KDM3A: variants seen among roughly 807,000 people sequenced by gnomAD.
KDM3A encodes the protein lysine demethylase 3A.
In KDM3A, 60 loss-of-function variants were observed where a neutral mutation model predicts 158.0. That is an observed-to-expected ratio of 0.38 (90% CI 0.31 to 0.47). KDM3A has a LOEUF of 0.47. Among genes scored for constraint, KDM3A ranks in the 20% least tolerant of loss-of-function variants. The pLI is 0.99. For missense variants in KDM3A, 1,319 were observed against 1,574.3 expected (o/e 0.84, Z 2.74); for synonymous variants, 608 against 549.3 (o/e 1.11, Z -1.49).
chr2:86,444,636 G>A (rs1573135986), intron 2 of KDM3A, among the ~76,000 whole-genome samples: 1 of 144,342 alleles, frequency 6.9e-6, no homozygotes, highest in Non-Finnish European at 1.5e-5. Context: ...GGGTTTAGGG[G>A]CATTAAGTTT....
At chr2:86,477,077 C>T (rs1371347326) in intron 12 of KDM3A, among the ~76,000 whole-genome samples, 1 of 152,208 alleles carries the variant, frequency 6.6e-6, no homozygotes, top group Non-Finnish European at 1.5e-5. Context: ...TTTGGCACTC[C>T]TCCATCTAGG....
chr2:86,472,615 T>C (rs962885304), intron 11 of KDM3A, among the ~76,000 whole-genome samples: 8 of 152,334 alleles, frequency 5.3e-5, no homozygotes, highest in African/African-American at 1.9e-4. Context: ...ATAATTTGCG[T>C]GTGTTAGGTA....
intron 9 of KDM3A, among the ~76,000 whole-genome samples, chr2:86,464,896 G>A (rs991300688): frequency 1.6e-4 from 24 of 152,176 alleles, no homozygotes; most frequent in African/African-American, 5.8e-4. Context: ...TTGGAAGGTG[G>A]GAGAGTGGCT....
Position 86,442,201 on chromosome 2 carries a change from T to G in KDM3A, c.154T>G (p.Ser52Ala). The G allele has an allele frequency of 6.2e-7, 1 of 1,612,028 alleles. No homozygotes were observed. Among genetic ancestry groups the G allele is most frequent in the South Asian group, 1.1e-5 (1 of 90,934 alleles). Residue 52 changes from serine to alanine, a missense_variant, in exon 2 of 26, where the codon TCC (serine) becomes GCC (alanine). Around this residue, in one of 4 missense-constraint regions of KDM3A, gnomAD observed 652 missense variants for 627.2 expected, o/e 1.04. Transcript: ENST00000312912. The stretch of plus-strand genomic sequence containing the variant: ...GCTCTCCGGGACCATTCGAGCTGTT[T>G]CCCACACCGACGTTACCAAGAAGGA... ...PWLSGTIRAV[S>A]HTDVTKKDLK...
chr2:86,481,820 T>G, intron 16 of KDM3A, 110 bp from the exon 17 acceptor site: 1 of 757,148 alleles, frequency 1.3e-6, no homozygotes, highest in South Asian at 1.8e-5. Context: ...GTATTTTTTT[T>G]GTTTCAGTAA....
intron 11 of KDM3A, among the ~76,000 whole-genome samples, chr2:86,472,122 A>AT (rs1454942449): frequency 4.0e-5 from 6 of 149,002 alleles, no homozygotes; most frequent in Admixed American, 6.7e-5. Flanking sequence ...GGAAGGGATA[A>AT]TTTTTTTTTC....
At chr2:86,458,919 T>C (rs1180187789) in intron 8 of KDM3A, among the ~76,000 whole-genome samples, 2 of 152,032 alleles carry the variant, frequency 1.3e-5, no homozygotes, top group Non-Finnish European at 2.9e-5. Flanking sequence ...ATGAGGTTAG[T>C]TGTATTGCAC....
intron 16 of KDM3A, among the ~76,000 whole-genome samples, chr2:86,481,702 A>G (rs1673936878): frequency 6.6e-6 from 1 of 152,180 alleles, no homozygotes; most frequent in Admixed American, 6.5e-5. Flanking sequence ...CAGGGTTGCT[A>G]GATACAAAGG....
At chr2:86,480,064 G>A in intron 15 of KDM3A, 103 bp from the exon 16 acceptor site, 2 of 899,736 alleles carry the variant, frequency 2.2e-6, no homozygotes, top group South Asian at 1.4e-5. Flanking sequence ...GTTTTGTTCT[G>A]GATATTTATC....
chr2:86,463,213 C>T (rs148619852), intron 8 of KDM3A, among the ~76,000 whole-genome samples: 2 of 152,062 alleles, frequency 1.3e-5, no homozygotes, highest in African/African-American at 2.4e-5. Flanking sequence ...TAAGGCAAGA[C>T]GATTGAGAAA....
At chr2:86,473,913 T>C (rs1343389825) in intron 11 of KDM3A, among the ~76,000 whole-genome samples, 1 of 152,242 alleles carries the variant, frequency 6.6e-6, no homozygotes, top group East Asian at 1.9e-4. Flanking sequence ...CTTCCCTCTT[T>C]CCAGAAGCTT....
upstream of KDM3A, among the ~76,000 whole-genome samples, chr2:86,437,272 C>T (rs778874870): frequency 5.9e-5 from 9 of 152,064 alleles, no homozygotes; most frequent in South Asian, 4.2e-4. Flanking sequence ...CTCAGCCTCC[C>T]GAGTAGCTGG....
intron 9 of KDM3A, 138 bp from the exon 10 acceptor site, chr2:86,466,234 C>A: frequency 1.1e-6 from 1 of 877,054 alleles, no homozygotes; most frequent in Non-Finnish European, 1.7e-6. Context: ...GAAATCTATC[C>A]TAAATTCTGT....
rs1446260138 is a variant in KDM3A at position 86,466,381 on chromosome 2, A to G, written c.1017A>G (p.Lys339=). The G allele has an allele frequency of 1.9e-6, 3 of 1,607,968 alleles. No homozygotes were observed. The highest frequency in any genetic ancestry group is 1.3e-5 in the African/African-American group (1 of 74,352). Residue 339 remains lysine (K), a synonymous_variant, in exon 10 of 26, where the codon AAA becomes AAG. Transcript: ENST00000312912. ...ATATTATATTTTTCAGATGTCATAA[A>G]CAAAGTTTACCAGAGGAAATTTCTT... ...LGAKIPQGCH[K]QSLPEEISSC...
chr2:86,477,631 G>T (rs1016534270), intron 12 of KDM3A, among the ~76,000 whole-genome samples: 1 of 152,070 alleles, frequency 6.6e-6, no homozygotes, highest in African/African-American at 2.4e-5. Context: ...CTAGAGGGAG[G>T]TGAGACTGTG....
intron 11 of KDM3A, 125 bp from the exon 12 acceptor site, chr2:86,474,651 G>A (rs1673569503): frequency 6.2e-6 from 4 of 642,622 alleles, no homozygotes; most frequent in South Asian, 2.0e-5. Context: ...GTGACAGAGC[G>A]AGACTCCATC....
At chr2:86,438,822 A>G (rs1285246701), upstream of KDM3A, among the ~76,000 whole-genome samples, 1 of 152,024 alleles carries the variant, frequency 6.6e-6, no homozygotes, top group East Asian at 1.9e-4. Context: ...TGTATTTTGA[A>G]ATAGTACCAA....
chr2:86,479,332 C>T (rs1338965595), intron 15 of KDM3A: 2 of 152,188 alleles, frequency 1.3e-5, no homozygotes, highest in African/African-American at 2.4e-5. Context: ...CAGAAATTTA[C>T]ATTTCTATAA....
At chr2:86,450,265 A>C (rs942910485) in intron 3 of KDM3A, among the ~76,000 whole-genome samples, 2 of 152,198 alleles carry the variant, frequency 1.3e-5, no homozygotes, top group African/African-American at 4.8e-5. Context: ...AAAACATTTG[A>C]ATTAATTGCC....
Sources: gnomAD v4.1 joint callset for allele counts (sites outside exome capture counted in the v4.1 genomes callset) on GRCh38, gnomAD v4.1.1 for gene constraint, gnomAD v4.1.1 regional missense constraint, MANE v1.5 for transcripts, NCBI Gene and HGNC (gene_info 2026-07-23, HGNC 2026-07-21) for gene names.